Variants in PTPRD observed in about 807,000 individuals in gnomAD.
PTPRD encodes the protein protein tyrosine phosphatase receptor type D, also known as receptor-type tyrosine-protein phosphatase delta.
Under a neutral mutation model 214.5 loss-of-function variants are expected in PTPRD, and 34 were observed. That is an observed-to-expected ratio of 0.16 (90% CI 0.12 to 0.21). The LOEUF is 0.21. Among genes scored for constraint, PTPRD ranks in the 10% least tolerant of loss-of-function variants. PTPRD has a pLI of 1.00. For missense variants in PTPRD, 2,545 were observed against 2,398.7 expected, an observed-to-expected ratio of 1.06 and a Z score of -1.27; for synonymous variants, 1,128 against 845.7, an observed-to-expected ratio of 1.33 and a Z score of -5.79.
At chr9:10,555,917 G>A (rs2062470988) in intron 2 of PTPRD, among the ~76,000 whole-genome samples, 1 of 152,100 alleles carries the variant, frequency 6.6e-6, no homozygotes, top group Admixed American at 6.6e-5. Flanking sequence ...AGAATAAAGA[G>A]CGTGAAGAGA....
At chr9:8,560,021 T>C (rs113798287) in intron 14 of PTPRD, among the ~76,000 whole-genome samples, 1 of 152,176 alleles carries the variant, frequency 6.6e-6, no homozygotes, top group African/African-American at 2.4e-5. Context: ...CTTAGGAAAG[T>C]CTATATGCAG....
intron 7 of PTPRD, among the ~76,000 whole-genome samples, chr9:9,604,906 C>T (rs2094043305): frequency 6.6e-6 from 1 of 151,750 alleles, no homozygotes; most frequent in Non-Finnish European, 1.5e-5. Context: ...ATTATGACCA[C>T]TTTCTTAAAA....
chr9:9,615,720 C>T (rs2094819352), intron 7 of PTPRD, among the ~76,000 whole-genome samples: 1 of 152,114 alleles, frequency 6.6e-6, no homozygotes, highest in African/African-American at 2.4e-5. Context: ...GTGTGAATTA[C>T]CTTTGTGCCA....
At chr9:9,645,470 TA>T (rs2096126010) in intron 7 of PTPRD, among the ~76,000 whole-genome samples, 1 of 145,874 alleles carries the variant, frequency 6.9e-6, no homozygotes, top group Non-Finnish European at 1.5e-5. Flanking sequence ...TATATATATA[TA>T]TATATATATT....
chr9:9,230,454 G>A (rs553852162), intron 9 of PTPRD, among the ~76,000 whole-genome samples: 8 of 152,072 alleles, frequency 5.3e-5, no homozygotes, highest in Non-Finnish European at 1.2e-4. Context: ...AGCCATTTTA[G>A]CACATTATCA....
chr9:10,318,612 T>C (rs371117995), intron 3 of PTPRD, among the ~76,000 whole-genome samples: 2 of 152,124 alleles, frequency 1.3e-5, no homozygotes, highest in African/African-American at 2.4e-5. Flanking sequence ...TTTATATTTA[T>C]TTATTTATTT....
intron 5 of PTPRD, among the ~76,000 whole-genome samples, chr9:9,827,727 A>G (rs1307821349): frequency 6.6e-6 from 1 of 152,174 alleles, no homozygotes; most frequent in Non-Finnish European, 1.5e-5. Context: ...GAAAACCTAC[A>G]GAATGGGAGA....
intron 12 of PTPRD, among the ~76,000 whole-genome samples, chr9:8,718,027 G>A (rs2154414917): frequency 6.6e-6 from 1 of 152,332 alleles, no homozygotes; most frequent in East Asian, 1.9e-4. Context: ...CACTAAATAA[G>A]AGTGGATGAA....
intron 14 of PTPRD, among the ~76,000 whole-genome samples, chr9:8,593,656 T>A (rs888509224): frequency 8.5e-5 from 13 of 152,204 alleles, no homozygotes; most frequent in African/African-American, 3.1e-4. Flanking sequence ...TGTGAAACAC[T>A]GTATCATAAA....
chr9:10,608,962 C>T (rs948658183), intron 2 of PTPRD, among the ~76,000 whole-genome samples: 2 of 152,072 alleles, frequency 1.3e-5, no homozygotes, highest in Non-Finnish European at 2.9e-5. Context: ...AAAGAAATTG[C>T]ACTTTAATAC....
intron 4 of PTPRD, among the ~76,000 whole-genome samples, chr9:10,032,531 T>C (rs2097102020): frequency 6.6e-6 from 1 of 152,194 alleles, no homozygotes; most frequent in Non-Finnish European, 1.5e-5. Context: ...TGGGGACTCT[T>C]CTATGTCTCC....
intron 3 of PTPRD, among the ~76,000 whole-genome samples, chr9:10,035,420 G>A (rs2097162420): frequency 6.6e-6 from 1 of 152,074 alleles, no homozygotes; most frequent in South Asian, 2.1e-4. Context: ...TTGCTGTGCA[G>A]AAGCTCTGTA....
At chr9:9,400,572 C>G (rs946831461) in intron 8 of PTPRD, among the ~76,000 whole-genome samples, 1 of 151,878 alleles carries the variant, frequency 6.6e-6, no homozygotes, top group Non-Finnish European at 1.5e-5. Flanking sequence ...CATTTCCAAC[C>G]ACATCTCCCC....
intron 9 of PTPRD, among the ~76,000 whole-genome samples, chr9:9,263,589 T>A (rs2099981080): frequency 6.6e-6 from 1 of 151,722 alleles, no homozygotes; most frequent in Non-Finnish European, 1.5e-5. Context: ...ACAGTAAATA[T>A]CCAATTTTCC....
intron 7 of PTPRD, among the ~76,000 whole-genome samples, chr9:9,643,410 T>C (rs2096037351): frequency 6.6e-6 from 1 of 152,086 alleles, no homozygotes; most frequent in Non-Finnish European, 1.5e-5. Flanking sequence ...GATTTGTAAC[T>C]CCAGGACTGT....
intron 3 of PTPRD, among the ~76,000 whole-genome samples, chr9:10,325,060 G>C (rs1317161173): frequency 6.6e-6 from 1 of 151,996 alleles, no homozygotes; most frequent in Non-Finnish European, 1.5e-5. Flanking sequence ...CTCAGGTCCA[G>C]GTGGCTCTAG....
chr9:9,406,786 AG>A (rs2073579251), intron 8 of PTPRD, among the ~76,000 whole-genome samples: 1 of 151,688 alleles, frequency 6.6e-6, no homozygotes, highest in South Asian at 2.1e-4. Context: ...GTGGAGATAA[AG>A]AATATGTTTA....
chr9:8,985,718 C>A (rs374901391), intron 11 of PTPRD, among the ~76,000 whole-genome samples: 3 of 151,602 alleles, frequency 2.0e-5, no homozygotes, highest in Admixed American at 6.6e-5. Context: ...CAGAACCCAA[C>A]GTCTATGAGA....
rs868151228 is a variant in PTPRD, at chr9:10,463,581, T to C, written c.-599-122564A>G. Among the ~76,000 whole-genome samples, 20 of 152,152 alleles carry C rather than the reference T, an allele frequency of 1.3e-4. 1 individual carries two copies. The highest frequency in any genetic ancestry group is 1.7e-4 in the African/African-American group (7 of 41,428). On this transcript the variant is annotated intron_variant, in intron 2 of 45. Transcript: ENST00000381196. Reference sequence around the variant, plus strand: ...TGAATTCACAATGACCTCAGTACAATTGTTAAGGAAATAGTCTTAAATTTC... The same window carrying C: ...TGAATTCACAATGACCTCAGTACAACTGTTAAGGAAATAGTCTTAAATTTC...
Sources: gnomAD v4.1 joint callset for allele counts (sites outside exome capture counted in the v4.1 genomes callset) on GRCh38, gnomAD v4.1.1 for gene constraint, MANE v1.5 for transcripts, NCBI Gene and HGNC (gene_info 2026-07-23, HGNC 2026-07-21) for gene names.